The following HECW1 variants were observed in gnomAD, a reference collection of about 807,000 sequenced individuals.
HECW1 encodes the protein HECT, C2 and WW domain containing E3 ubiquitin protein ligase 1, also known as E3 ubiquitin-protein ligase HECW1.
Under a neutral mutation model 182.3 loss-of-function variants are expected in HECW1, and 61 were observed. The ratio of observed to expected loss-of-function variants is 0.33; its 90% confidence interval spans 0.27 to 0.41. The LOEUF is 0.41. HECW1 is among the 10% of genes least tolerant of loss of function. The pLI, the probability that HECW1 is intolerant of heterozygous loss-of-function variation, is 1.00. For missense variants in HECW1, 1,739 were observed against 2,108.9 expected (o/e 0.82, Z 3.44); for synonymous variants, 859 against 832.6 (o/e 1.03, Z -0.55).
intron 8 of HECW1, among the ~76,000 whole-genome samples, chr7:43,409,343 C>T (rs1161035581): frequency 6.6e-6 from 1 of 152,178 alleles, no homozygotes; most frequent in Non-Finnish European, 1.5e-5. Context: ...GAACTCTTCC[C>T]TGCATTCCTA....
chr7:43,498,643 A>G (rs956385978), intron 19 of HECW1, among the ~76,000 whole-genome samples: 1 of 152,126 alleles, frequency 6.6e-6, no homozygotes, highest in Non-Finnish European at 1.5e-5. Flanking sequence ...GTTCCCTGCT[A>G]AATGACATGT....
intron 21 of HECW1, among the ~76,000 whole-genome samples, chr7:43,504,328 C>G (rs1585114673): frequency 6.6e-6 from 1 of 152,182 alleles, no homozygotes; most frequent in Non-Finnish European, 1.5e-5. Context: ...TTCAAACCTC[C>G]TCTTCTCTTC....
At chr7:43,475,567 G>T (rs1379793040) in intron 16 of HECW1, among the ~76,000 whole-genome samples, 1 of 149,746 alleles carries the variant, frequency 6.7e-6, no homozygotes, top group Admixed American at 6.6e-5. Context: ...TATTTATTTA[G>T]TGAGACTGGG....
chr7:43,287,947 G>A (rs542349301), intron 3 of HECW1, among the ~76,000 whole-genome samples: 1 of 152,318 alleles, frequency 6.6e-6, no homozygotes. Context: ...ATGGGGAAGA[G>A]CACATTTAAG....
intron 3 of HECW1, among the ~76,000 whole-genome samples, chr7:43,289,128 GAGTATCGATCACTCTGTC>G (rs1455674906): frequency 6.9e-6 from 1 of 145,012 alleles, no homozygotes. Flanking sequence ...TTTTGAGACA[GAGTATCGATCACTCTGTC>G]ACCAGGCTGG....
chr7:43,274,100 C>T (rs1584278348), intron 3 of HECW1: 1 of 377,882 alleles, frequency 2.6e-6, no homozygotes, highest in Non-Finnish European at 4.7e-6. Context: ...ATCCACCCGC[C>T]TCGGCCTCCC....
intron 6 of HECW1, among the ~76,000 whole-genome samples, chr7:43,376,111 CCAAA>C (rs71562095): frequency 0.033 from 5,018 of 151,426 alleles, 99 homozygotes; most frequent in Middle Eastern, 0.041. Flanking sequence ...ACCCAATAAA[CCAAA>C]CATATACTCA....
chr7:43,155,998 A>G (rs1392185987), intron 2 of HECW1, among the ~76,000 whole-genome samples: 1 of 152,242 alleles, frequency 6.6e-6, no homozygotes, highest in African/African-American at 2.4e-5. Flanking sequence ...ATCCAGAATG[A>G]GTCCAGTGAC....
At chr7:43,343,049 C>T (rs1055657216) in intron 5 of HECW1, among the ~76,000 whole-genome samples, 9 of 151,456 alleles carry the variant, frequency 5.9e-5, no homozygotes, top group African/African-American at 1.7e-4. Context: ...AATGTTTCTA[C>T]GTAGATAATT....
rs1375713640 is a variant in HECW1, at chr7:43,493,189, C to T, written c.3437+9C>T. ...AGAAACCACACACTCAGGTAAGCCT[C>T]GCCCCTCACTCCCTGGAACTCTAGG... On this transcript the variant is annotated intron_variant, in intron 19 of 29. Transcript: ENST00000395891. 5.1e-6 allele frequency: 8 copies of T among 1,583,788 alleles called. No individual in the cohort carries two copies. The highest frequency in any genetic ancestry group is 2.7e-5 in the African/African-American group (2 of 74,334).
At chr7:43,145,104 TACTA>T (rs1788556513) in intron 2 of HECW1, among the ~76,000 whole-genome samples, 1 of 152,226 alleles carries the variant, frequency 6.6e-6, no homozygotes, top group Non-Finnish European at 1.5e-5. Flanking sequence ...CAAAATAAAT[TACTA>T]ACTCTCTCAA....
At chr7:43,195,316 G>A (rs569768111) in intron 2 of HECW1, among the ~76,000 whole-genome samples, 183 of 152,310 alleles carry the variant, frequency 1.2e-3, no homozygotes, top group African/African-American at 4.2e-3. Context: ...GCACAGTCTG[G>A]GAGGCCCTGT....
rs541263123 is a variant in HECW1, at chr7:43,263,102, G to A, written c.27+19170G>A. On this transcript the variant is annotated intron_variant, in intron 3 of 29. Coordinates refer to ENST00000395891, the MANE Select transcript of HECW1 (RefSeq NM_015052.5). ...GCATTTTCCGCAATTACTTACCTGT[G>A]CGATGAAAAGAATACAGTTCAATTT... Among the ~76,000 whole-genome samples, 60 of 152,244 alleles carry A rather than the reference G, an allele frequency of 3.9e-4. 1 individual carries two copies. The highest frequency in any genetic ancestry group is 1.2e-4 in the Non-Finnish European group (8 of 68,020).
chr7:43,407,655 C>A lies in HECW1; in HGVS notation c.725C>A (p.Pro242His). The A allele has an allele frequency of 6.2e-7, 1 of 1,614,006 alleles. No individual in the cohort carries two copies. Among genetic ancestry groups the A allele is most frequent in the Non-Finnish European group, 8.5e-7 (1 of 1,179,898 alleles). ...CAGCCTGGGAAACACAGCATCTTCCCCGCCCTCCCTCACCATGGACAGGAG... is the reference window on the plus strand; with the variant it reads ...CAGCCTGGGAAACACAGCATCTTCCACGCCCTCCCTCACCATGGACAGGAG... ...SIQPGKHSIF[P>H]ALPHHGQERR... Residue 242 changes from proline (P) to histidine (H), a missense_variant, in exon 8 of 30, where the codon CCC becomes CAC. By Grantham distance (77) the Pro-to-His change is moderately conservative. Transcript: ENST00000395891.
At position 43,112,945 on chromosome 7, in the gene HECW1, G is replaced by A. The variant is rs1307523031; in HGVS notation, c.-267+8G>A. 6 of 211,962 alleles carry A rather than the reference G, an allele frequency of 2.8e-5. No homozygotes were observed. Among genetic ancestry groups the A allele is most frequent in the Non-Finnish European group, 5.7e-5 (6 of 104,466 alleles). 13.1% of individuals were successfully genotyped at this position (211,962 alleles called of 1,614,324 possible). A position where few individuals can be genotyped will look rare whatever the true frequency, so the allele number is the denominator to read the frequency against. On this transcript the variant is annotated splice_region_variant and intron_variant, in intron 1 of 29. Coordinates refer to ENST00000395891, the MANE Select transcript of HECW1 (RefSeq NM_015052.5). ...CAGGCCAGGGCTGCCAAGGTAAGCGGGCGTAGCGCGGGGACACTGTCTGCC... is the reference window on the plus strand; with the variant it reads ...CAGGCCAGGGCTGCCAAGGTAAGCGAGCGTAGCGCGGGGACACTGTCTGCC...
chr7:43,133,027 G>A (rs1489261244), intron 2 of HECW1, among the ~76,000 whole-genome samples: 1 of 152,092 alleles, frequency 6.6e-6, no homozygotes, highest in African/African-American at 2.4e-5. Flanking sequence ...TTTTAATCAT[G>A]TCTAAACATT....
intron 2 of HECW1, chr7:43,147,678 A>G (rs1376722815): frequency 6.6e-6 from 1 of 152,154 alleles, no homozygotes; most frequent in Non-Finnish European, 1.5e-5. Flanking sequence ...GTGATGATTC[A>G]TCTTCCATCT....
intron 20 of HECW1, 73 bp from the exon 21 acceptor site, chr7:43,501,140 G>A (rs1362224794): frequency 1.2e-5 from 10 of 823,318 alleles, no homozygotes; most frequent in Non-Finnish European, 1.9e-5. Context: ...ACCCCAATTC[G>A]TGAACACTTT....
At chr7:43,383,300 T>G (rs912874868) in intron 6 of HECW1, among the ~76,000 whole-genome samples, 2 of 152,250 alleles carry the variant, frequency 1.3e-5, no homozygotes, top group Admixed American at 6.5e-5. Context: ...ATATACCCAG[T>G]AATGGGATTG....
Sources: allele counts gnomAD v4.1 joint callset (sites outside exome capture counted in the v4.1 genomes callset), GRCh38; gene constraint gnomAD v4.1.1; transcripts MANE v1.5; gene names NCBI Gene and HGNC (gene_info 2026-07-23, HGNC 2026-07-21).